UHRF2: variants seen among roughly 807,000 people sequenced by gnomAD.
UHRF2 encodes ubiquitin like with PHD and ring finger domains 2, also known as E3 ubiquitin-protein ligase UHRF2.
A neutral mutation model predicts 96.8 loss-of-function variants in UHRF2; 23 were observed. That is an observed-to-expected ratio of 0.24 (90% CI 0.17 to 0.34). UHRF2 has a LOEUF of 0.34. UHRF2 is among the 10% of genes least tolerant of loss of function. The pLI is 1.00. For synonymous variants in UHRF2, 385 were observed against 332.6 expected, an observed-to-expected ratio of 1.16 and a Z score of -1.72; for missense variants, 685 against 981.5, an observed-to-expected ratio of 0.70 and a Z score of 4.04.
intron 4 of UHRF2, among the ~76,000 whole-genome samples, chr9:6,464,478 T>G (rs1283302086): frequency 1.2e-4 from 18 of 152,188 alleles, no homozygotes. Context: ...TCCTTTATGC[T>G]TGTACTTTCT....
chr9:6,437,204 C>G (rs960547355), intron 3 of UHRF2, among the ~76,000 whole-genome samples: 32 of 152,230 alleles, frequency 2.1e-4, no homozygotes, highest in Admixed American at 3.3e-4. Context: ...CTGGTATAGC[C>G]TAACAGTAGT....
At chr9:6,457,957 C>T (rs60664493) in intron 3 of UHRF2, among the ~76,000 whole-genome samples, 2,776 of 152,156 alleles carry the variant, frequency 0.018, 83 homozygotes, top group African/African-American at 0.063. Flanking sequence ...GGGATATTGG[C>T]CTGAAATTTT....
At chr9:6,416,822 C>A (rs1227487196) in intron 1 of UHRF2, among the ~76,000 whole-genome samples, 1 of 152,100 alleles carries the variant, frequency 6.6e-6, no homozygotes, top group Non-Finnish European at 1.5e-5. Flanking sequence ...CCACCGCGCC[C>A]GGCCTAAATC....
At chr9:6,479,994 T>A (rs1043188352) in intron 6 of UHRF2, among the ~76,000 whole-genome samples, 3 of 152,174 alleles carry the variant, frequency 2.0e-5, no homozygotes, top group Non-Finnish European at 4.4e-5. Flanking sequence ...TTCATCTGTT[T>A]GAAACCCTCT....
Position 6,500,590 on chromosome 9 carries a change from G to A in UHRF2, c.2044G>A (p.Asp682Asn). The A allele has an allele frequency of 6.2e-7, 1 of 1,613,358 alleles. No homozygotes were observed. The highest frequency in any genetic ancestry group is 8.5e-7 in the Non-Finnish European group (1 of 1,179,934). Residue 682 changes from aspartate to asparagine, a missense_variant, in exon 14 of 16, where the codon GAT becomes AAT. Around this residue, in one of 6 missense-constraint regions of UHRF2, gnomAD observed 99 missense variants for 73.5 expected, o/e 1.35. Coordinates refer to ENST00000276893, the MANE Select transcript of UHRF2 (RefSeq NM_152896.3). ...TGCCTCCAAAGTGTACAAAGCATCA[G>A]ATTCAGCAGAAGCAATTGAGGCTTT... ...PSASKVYKAS[D>N]SAEAIEAFQL...
intron 2 of UHRF2, 96 bp from the exon 3 acceptor site, chr9:6,433,818 T>G (rs929720918): frequency 3.8e-6 from 5 of 1,301,622 alleles, no homozygotes; most frequent in Non-Finnish European, 5.3e-6. Context: ...CAAATATTGT[T>G]TACCATGATA....
chr9:6,487,166 C>CTTTTATTTTTTATT (rs1563799150), intron 9 of UHRF2, among the ~76,000 whole-genome samples: 1 of 108,944 alleles, frequency 9.2e-6, no homozygotes, highest in African/African-American at 3.8e-5. Flanking sequence ...CTCTATAGAG[C>CTTTTATTTTTTATT]TTTTATTTTT....
At chr9:6,420,287 C>T (rs1395767160) in intron 1 of UHRF2, among the ~76,000 whole-genome samples, 1 of 151,882 alleles carries the variant, frequency 6.6e-6, no homozygotes, top group African/African-American at 2.4e-5. Context: ...AAACTCCTGA[C>T]CTCGTCATCT....
At chr9:6,501,569 G>C (rs1483928723) in intron 14 of UHRF2, among the ~76,000 whole-genome samples, 1 of 152,126 alleles carries the variant, frequency 6.6e-6, no homozygotes, top group Non-Finnish European at 1.5e-5. Context: ...TTTTAGAAAT[G>C]CTGAAATTTA....
At chr9:6,425,864 A>G (rs1320836671) in intron 2 of UHRF2, among the ~76,000 whole-genome samples, 3 of 152,244 alleles carry the variant, frequency 2.0e-5, no homozygotes, top group East Asian at 1.9e-4. Context: ...CAGCAAGGAA[A>G]TAATACATAT....
At chr9:6,482,868 AG>A (rs1310185776) in intron 8 of UHRF2, among the ~76,000 whole-genome samples, 1 of 152,162 alleles carries the variant, frequency 6.6e-6, no homozygotes, top group African/African-American at 2.4e-5. Flanking sequence ...TACAGGCATG[AG>A]CCACTGCGCC....
intron 3 of UHRF2, among the ~76,000 whole-genome samples, chr9:6,439,099 G>T (rs1317598923): frequency 6.6e-6 from 1 of 152,172 alleles, no homozygotes; most frequent in Non-Finnish European, 1.5e-5. Flanking sequence ...TATGTTAAGA[G>T]ATTTGAAATG....
At chr9:6,437,688 G>A (rs905052722) in intron 3 of UHRF2, among the ~76,000 whole-genome samples, 10 of 152,124 alleles carry the variant, frequency 6.6e-5, no homozygotes, top group African/African-American at 2.4e-4. Context: ...TGCGATCTCA[G>A]GTCACTGCAA....
chr9:6,450,430 G>C (rs1362573824), intron 3 of UHRF2, among the ~76,000 whole-genome samples: 1 of 151,324 alleles, frequency 6.6e-6, no homozygotes, highest in Non-Finnish European at 1.5e-5. Context: ...TTAGTTTCCT[G>C]AGAAGCTAAT....
chr9:6,485,232 C>T (rs1455758342), intron 8 of UHRF2, among the ~76,000 whole-genome samples: 1 of 152,112 alleles, frequency 6.6e-6, no homozygotes, highest in African/African-American at 2.4e-5. Flanking sequence ...TCTATAAATA[C>T]AATAAAATAC....
At chr9:6,463,940 G>C (rs1020490711) in intron 4 of UHRF2, among the ~76,000 whole-genome samples, 2 of 152,138 alleles carry the variant, frequency 1.3e-5, no homozygotes, top group African/African-American at 4.8e-5. Context: ...CCTGGCACTT[G>C]TGTGCATTAG....
chr9:6,483,400 A>G (rs541902483), intron 8 of UHRF2, among the ~76,000 whole-genome samples: 3 of 151,368 alleles, frequency 2.0e-5, no homozygotes, highest in Admixed American at 6.6e-5. Flanking sequence ...ATCCTCCTTT[A>G]TATGTTAAAT....
intron 10 of UHRF2, 132 bp downstream of exon 10, chr9:6,494,064 C>T (rs1424839884): frequency 1.4e-6 from 1 of 698,510 alleles, no homozygotes; most frequent in Non-Finnish European, 2.3e-6. Flanking sequence ...AATTCCAGTG[C>T]CTGATTATGT....
rs566713920 is a variant in UHRF2, at chr9:6,425,092, C to G, written c.384+3950C>G. On this transcript the variant is annotated intron_variant, in intron 2 of 15. Transcript: ENST00000276893. ...CACACCTCCTTCCTGTCTTTCCATA[C>G]TGTACTGTTGGAGAGAAAGTCACTG... 3.3e-5 allele frequency among the ~76,000 whole-genome samples: 5 copies of G among 152,298 alleles called. No homozygotes were observed. The South Asian group carries it at 1.0e-3, about 32-fold the overall frequency.
Sources: allele counts gnomAD v4.1 joint callset (sites outside exome capture counted in the v4.1 genomes callset), GRCh38; gene constraint gnomAD v4.1.1; regional missense constraint gnomAD v4.1.1; transcripts MANE v1.5; gene names NCBI Gene and HGNC (gene_info 2026-07-23, HGNC 2026-07-21).